NRXN1: variants seen among roughly 807,000 people sequenced by gnomAD.
The protein encoded by NRXN1 is neurexin-1.
A neutral mutation model predicts 150.9 loss-of-function variants in NRXN1; 39 were observed. That is an observed-to-expected ratio of 0.26 (90% CI 0.20 to 0.34). The LOEUF is 0.34. Ranked by LOEUF, NRXN1 falls within the 10% of genes least tolerant of loss-of-function variation. The probability of loss-of-function intolerance (pLI) is 1.00; values close to 1 mark genes in which losing one functional copy is unlikely to be tolerated. For synonymous variants in NRXN1, 924 were observed against 757.0 expected (o/e 1.22, Z -3.62); for missense variants, 1,815 against 1,949.9 (o/e 0.93, Z 1.30).
At chr2:50,499,112 C>T (rs1250674185) in intron 13 of NRXN1, among the ~76,000 whole-genome samples, 1 of 152,140 alleles carries the variant, frequency 6.6e-6, no homozygotes, top group African/African-American at 2.4e-5. Flanking sequence ...AAGGAAATAT[C>T]TGTAAGTAAA....
At chr2:50,169,723 AAAAAAGAAAG>A (rs1315428439) in intron 18 of NRXN1, among the ~76,000 whole-genome samples, 2 of 150,664 alleles carry the variant, frequency 1.3e-5, no homozygotes, top group African/African-American at 2.5e-5. Flanking sequence ...AAAAAAAAAA[AAAAAAGAAAG>A]AAAGAAATTA....
chr2:50,252,406 G>A (rs544433715), intron 17 of NRXN1, among the ~76,000 whole-genome samples: 27 of 151,372 alleles, frequency 1.8e-4, no homozygotes, highest in South Asian at 4.2e-4. Flanking sequence ...ATACAGGCAT[G>A]TGCCACCACA....
intron 5 of NRXN1, among the ~76,000 whole-genome samples, chr2:50,711,694 C>T (rs908147203): frequency 5.3e-5 from 8 of 152,006 alleles, no homozygotes; most frequent in Admixed American, 2.0e-4. Context: ...CTCCAAAACT[C>T]ATGCATTAGA....
At chr2:50,871,783 G>C (rs1357390541) in intron 5 of NRXN1, among the ~76,000 whole-genome samples, 1 of 151,804 alleles carries the variant, frequency 6.6e-6, no homozygotes, top group Non-Finnish European at 1.5e-5. Flanking sequence ...AATTCACTTA[G>C]TTTAAGCAGA....
At chr2:50,983,273 A>T (rs971160937) in intron 2 of NRXN1, among the ~76,000 whole-genome samples, 1 of 152,118 alleles carries the variant, frequency 6.6e-6, no homozygotes, top group Non-Finnish European at 1.5e-5. Context: ...CTTTGCATTT[A>T]GGGGTATGAG....
At chr2:50,907,287 G>T (rs560916631) in intron 5 of NRXN1, among the ~76,000 whole-genome samples, 2 of 151,586 alleles carry the variant, frequency 1.3e-5, no homozygotes, top group Non-Finnish European at 2.9e-5. Flanking sequence ...TCTACATGGC[G>T]GTTCATTCTT....
intron 4 of NRXN1, 48 bp from the exon 5 acceptor site, chr2:50,921,928 AGAG>A (rs1349635053): frequency 8.7e-7 from 1 of 1,146,582 alleles, no homozygotes; most frequent in Non-Finnish European, 1.2e-6. Context: ...TTCCAGACAA[AGAG>A]GATAAAGAGG....
intron 2 of NRXN1, among the ~76,000 whole-genome samples, chr2:50,939,225 A>C (rs1189236144): frequency 6.6e-6 from 1 of 151,156 alleles, no homozygotes; most frequent in Non-Finnish European, 1.5e-5. Context: ...AAAAAAAAAA[A>C]AAAAAAAAAA....
chr2:50,546,834 T>C (rs1444008924), intron 9 of NRXN1, among the ~76,000 whole-genome samples: 2 of 152,144 alleles, frequency 1.3e-5, no homozygotes, highest in East Asian at 1.9e-4. Context: ...AAACAAAATA[T>C]AAATGCACTT....
intron 2 of NRXN1, among the ~76,000 whole-genome samples, chr2:51,017,389 G>A (rs1198616900): frequency 6.7e-6 from 1 of 149,582 alleles, no homozygotes; most frequent in Admixed American, 6.7e-5. Context: ...AGGCTGGAGT[G>A]CAGTGGCACA....
At chr2:50,301,785 T>C (rs1051420731) in intron 17 of NRXN1, among the ~76,000 whole-genome samples, 2 of 152,178 alleles carry the variant, frequency 1.3e-5, no homozygotes, top group African/African-American at 4.8e-5. Flanking sequence ...TGAGGCCCAT[T>C]GCCTATTTGT....
intron 17 of NRXN1, among the ~76,000 whole-genome samples, chr2:50,241,774 C>T (rs694309): frequency 0.41 from 62,442 of 151,552 alleles, 13,077 homozygotes; most frequent in Middle Eastern, 0.45. Flanking sequence ...ACATATAGGG[C>T]TCTCTCCCTT....
intron 2 of NRXN1, among the ~76,000 whole-genome samples, chr2:50,937,011 C>G (rs2193415): frequency 1 from 152,238 of 152,242 alleles, 76,117 homozygotes; most frequent in Middle Eastern, 1. Flanking sequence ...CAAGGTGCCT[C>G]TCGTTACGAG....
At chr2:50,261,064 C>A (rs1182694971) in intron 17 of NRXN1, among the ~76,000 whole-genome samples, 2 of 151,846 alleles carry the variant, frequency 1.3e-5, no homozygotes, top group Middle Eastern at 6.8e-3. Context: ...CATTTCCCCC[C>A]AGATTGATTT....
intron 17 of NRXN1, among the ~76,000 whole-genome samples, chr2:50,461,084 A>T (rs536721884): frequency 5.6e-4 from 85 of 152,196 alleles, no homozygotes; most frequent in Admixed American, 5.2e-3. Context: ...TGGATATTGG[A>T]TTCTCTTTCA....
chr2:50,526,140 G>T (rs2092945801), intron 12 of NRXN1, among the ~76,000 whole-genome samples: 2 of 151,672 alleles, frequency 1.3e-5, no homozygotes, highest in Admixed American at 1.3e-4. Flanking sequence ...AATGACTATA[G>T]GAAACAGCAG....
chr2:49,997,140 C>A (rs1380379187), intron 21 of NRXN1, among the ~76,000 whole-genome samples: 1 of 152,068 alleles, frequency 6.6e-6, no homozygotes, highest in Non-Finnish European at 1.5e-5. Context: ...GTTTGAAATA[C>A]CAATGGGTCA....
At chr2:50,474,462 G>A (rs2089801105) in intron 15 of NRXN1, among the ~76,000 whole-genome samples, 1 of 151,710 alleles carries the variant, frequency 6.6e-6, no homozygotes, top group Non-Finnish European at 1.5e-5. Flanking sequence ...TTTAAGGACT[G>A]AGCTCTGGTG....
intron 3 of NRXN1, among the ~76,000 whole-genome samples, chr2:50,925,660 T>A (rs188520719): frequency 6.6e-6 from 1 of 152,086 alleles, no homozygotes; most frequent in East Asian, 1.9e-4. Context: ...AGAATTGTTA[T>A]CATTTTTCTC....
Sources: allele counts gnomAD v4.1 joint callset (sites outside exome capture counted in the v4.1 genomes callset), GRCh38; gene constraint gnomAD v4.1.1; transcripts MANE v1.5; gene names NCBI Gene and HGNC (gene_info 2026-07-23, HGNC 2026-07-21).